SUSD1: variants seen among roughly 807,000 people sequenced by gnomAD.
SUSD1 encodes the protein sushi domain containing 1, also known as sushi domain-containing protein 1.
Under a neutral mutation model 86.9 loss-of-function variants are expected in SUSD1, and 65 were observed. The observed-to-expected ratio is 0.75, with a 90% CI of 0.61 to 0.92. The LOEUF (loss-of-function observed/expected upper bound fraction) is 0.92, where lower values mean the gene tolerates loss of function less well. SUSD1 is among the 40% of genes least tolerant of loss of function. The pLI is 0.00. For missense variants in SUSD1, 850 were observed against 929.7 expected, an observed-to-expected ratio of 0.91 and a Z score of 1.11; for synonymous variants, 346 against 350.0, an observed-to-expected ratio of 0.99 and a Z score of 0.13.
intron 12 of SUSD1, among the ~76,000 whole-genome samples, chr9:112,066,327 A>G (rs1828977180): frequency 6.6e-6 from 1 of 152,184 alleles, no homozygotes; most frequent in African/African-American, 2.4e-5. Flanking sequence ...AGGGATGAAT[A>G]GAAAAGAAAA....
intron 14 of SUSD1, 149 bp downstream of exon 14, chr9:112,058,279 C>G (rs1421814117): frequency 1.8e-6 from 2 of 1,081,852 alleles, no homozygotes; most frequent in Non-Finnish European, 2.6e-6. Flanking sequence ...TCACCTGTCC[C>G]TTCTTCATAA....
chr9:112,088,000 A>T (rs1250919226), intron 10 of SUSD1, among the ~76,000 whole-genome samples: 1 of 152,222 alleles, frequency 6.6e-6, no homozygotes, highest in Non-Finnish European at 1.5e-5. Flanking sequence ...CATAACATCC[A>T]AGGGCAAAAG....
chr9:112,165,877 G>GGA (rs1833770634), intron 1 of SUSD1, among the ~76,000 whole-genome samples: 2 of 113,808 alleles, frequency 1.8e-5, no homozygotes, highest in Admixed American at 1.9e-4. Flanking sequence ...AAGGAAGAAA[G>GGA]AGAAAGAAAA....
intron 15 of SUSD1, among the ~76,000 whole-genome samples, chr9:112,044,973 A>C (rs1404700648): frequency 6.6e-6 from 1 of 152,270 alleles, no homozygotes; most frequent in South Asian, 2.1e-4. Flanking sequence ...AAATTCTACG[A>C]AAAGGTAAAT....
At chr9:112,071,652 A>G (rs1829275782) in intron 12 of SUSD1, among the ~76,000 whole-genome samples, 1 of 152,206 alleles carries the variant, frequency 6.6e-6, no homozygotes, top group Non-Finnish European at 1.5e-5. Context: ...CCAAAAATGG[A>G]AGAAAATTTT....
Position 112,175,036 on chromosome 9 carries a change from C to G in SUSD1, c.103+97G>C, listed in dbSNP as rs963393534. 2.1e-6 allele frequency: 2 copies of G among 938,084 alleles called. No homozygotes were observed. Among genetic ancestry groups the G allele is most frequent in the African/African-American group, 1.8e-5 (1 of 56,162 alleles). 58.1% of individuals were successfully genotyped at this position (938,084 alleles called of 1,614,324 possible). ...CCCCACGCCTCGGCACCGCGCCGGC[C>G]CGGCCCAGGGGCGGGGAAGCGTCCG... On this transcript the variant is annotated intron_variant, in intron 1 of 16. Coordinates refer to ENST00000374270, the MANE Select transcript of SUSD1 (RefSeq NM_022486.5). The surrounding 1 kb of genome is among the most constrained non-coding windows in gnomAD (Gnocchi z 4.7).
Position 112,142,338 on chromosome 9 carries a change from G to T in SUSD1, c.688C>A (p.Pro230Thr). ...SCTGLGTWESPKLHCQEINCG... is the reference protein window; with the variant it reads ...SCTGLGTWESTKLHCQEINCG... ...AACTCACCTTGGCAATGTAATTTTG[G>T]GGACTCCCATGTGCCCAGGCCTGTG... The change falls in exon 5 of 17, where the codon CCA becomes ACA. Residue 230 changes from proline (P) to threonine (T), a missense_variant. Coordinates refer to ENST00000374270, the MANE Select transcript of SUSD1 (RefSeq NM_022486.5). 1.3e-6 allele frequency: 2 copies of T among 1,580,142 alleles called. No homozygotes were observed. The highest frequency in any genetic ancestry group is 1.2e-5 in the South Asian group (1 of 85,106).
At chr9:112,135,371 T>C (rs1832217462) in intron 5 of SUSD1, among the ~76,000 whole-genome samples, 1 of 152,138 alleles carries the variant, frequency 6.6e-6, no homozygotes, top group Admixed American at 6.6e-5. Context: ...ATAACACTTA[T>C]CATCAATAAA....
At chr9:112,085,424 A>G (rs888874608) in intron 10 of SUSD1, among the ~76,000 whole-genome samples, 1 of 152,230 alleles carries the variant, frequency 6.6e-6, no homozygotes, top group Admixed American at 6.5e-5. Context: ...CAAGCCCACG[A>G]TATGGATATT....
At chr9:112,112,123 T>A in intron 7 of SUSD1, 1 of 298,224 alleles carries the variant, frequency 3.4e-6, no homozygotes, top group Non-Finnish European at 6.2e-6. Context: ...CTGCACTCTG[T>A]CACCAAGTCA....
At chr9:112,090,223 C>T (rs1439014145) in intron 10 of SUSD1, among the ~76,000 whole-genome samples, 1 of 152,126 alleles carries the variant, frequency 6.6e-6, no homozygotes, top group Non-Finnish European at 1.5e-5. Context: ...AACTACTTTG[C>T]AGATCAGTGT....
At chr9:112,174,614 T>A (rs978993143) in intron 1 of SUSD1, among the ~76,000 whole-genome samples, 4 of 152,198 alleles carry the variant, frequency 2.6e-5, no homozygotes, top group African/African-American at 9.7e-5. Context: ...AATTAATGGC[T>A]TCACTCCTGT....
rs746445155 is a variant in SUSD1, at chr9:112,149,224, G to A, written c.373+20C>T. The stretch of plus-strand genomic sequence containing the variant: ...CCTGCCATCGCCAATTGTCAACACC[G>A]CAGCCCCCTTCTTGAGTACCTGTAC... On this transcript the variant is annotated intron_variant, in intron 3 of 16. Transcript: ENST00000374270. 3.7e-6 allele frequency: 6 copies of A among 1,612,794 alleles called. No homozygotes were observed. Among genetic ancestry groups the A allele is most frequent in the South Asian group, 2.2e-5 (2 of 91,006 alleles).
Position 112,077,499 on chromosome 9 carries a change from C to CTT in SUSD1, c.1753+1037_1753+1038dup, listed in dbSNP as rs869259276. 1.0e-3 allele frequency among the ~76,000 whole-genome samples: 68 copies of CTT among 66,424 alleles called. 10 individuals are homozygous for CTT. Among genetic ancestry groups the CTT allele is most frequent in the East Asian group, 2.6e-3 (5 of 1,894 alleles). The allele number at this position is 66,424 out of a possible 152,430, so 43.6% of individuals were successfully genotyped here. On this transcript the variant is annotated intron_variant, in intron 12 of 16. Transcript: ENST00000374270. The stretch of plus-strand genomic sequence containing the variant: ...ATCATTGTCCCCTGATAGTAATCTA[C>CTT]TTTTTTTTTTTTTTTTTTTTTTTTT...
chr9:112,098,932 T>C (rs186979700), intron 9 of SUSD1, among the ~76,000 whole-genome samples: 2 of 152,140 alleles, frequency 1.3e-5, no homozygotes, highest in African/African-American at 2.4e-5. Context: ...AATAATCCCT[T>C]GATTATAACG....
intron 1 of SUSD1, among the ~76,000 whole-genome samples, chr9:112,171,824 A>G (rs888864271): frequency 6.6e-6 from 1 of 152,134 alleles, no homozygotes. Flanking sequence ...TCTGTTTTGC[A>G]TTCTCTAAAC....
rs142806485 is a variant in SUSD1, at chr9:112,067,723, T to C, written c.1754-4690A>G. On this transcript the variant is annotated intron_variant, in intron 12 of 16. Coordinates refer to ENST00000374270, the MANE Select transcript of SUSD1 (RefSeq NM_022486.5). Reference sequence around the variant, plus strand: ...CCACCCCTCCTTCAAAGTCTATCACTGCATCAGCTCAGTAGGGCAAGGGAG... The same window carrying C: ...CCACCCCTCCTTCAAAGTCTATCACCGCATCAGCTCAGTAGGGCAAGGGAG... 8.0e-3 allele frequency among the ~76,000 whole-genome samples: 1,224 copies of C among 152,190 alleles called. 17 individuals are homozygous for C. Among genetic ancestry groups the C allele is most frequent in the African/African-American group, 0.028 (1,172 of 41,530 alleles).
chr9:112,153,490 A>G (rs1833155407), intron 2 of SUSD1, among the ~76,000 whole-genome samples: 1 of 152,178 alleles, frequency 6.6e-6, no homozygotes, highest in Non-Finnish European at 1.5e-5. Flanking sequence ...GAGGCTGTTT[A>G]GTAGTTAAGT....
chr9:112,152,751 C>CTTTTTTTTTTTTTTTTTT (rs71382410), intron 2 of SUSD1, among the ~76,000 whole-genome samples: 7 of 87,478 alleles, frequency 8.0e-5, no homozygotes, highest in South Asian at 3.9e-4. Flanking sequence ...TTTTTTTAAT[C>CTTTTTTTTTTTTTTTTTT]TTTTTTTTTT....
Sources: allele counts gnomAD v4.1 joint callset (sites outside exome capture counted in the v4.1 genomes callset), GRCh38; gene constraint gnomAD v4.1.1; non-coding constraint Gnocchi (gnomAD v3.1); transcripts MANE v1.5; gene names NCBI Gene and HGNC (gene_info 2026-07-23, HGNC 2026-07-21).